Variants in PCDHGA4 observed in about 807,000 individuals in gnomAD.
The protein encoded by PCDHGA4 is protocadherin gamma-A4.
PCDHGA4 carries 38 observed loss-of-function variants against 54.6 expected under a neutral mutation model. That is an observed-to-expected ratio of 0.70 (90% confidence interval 0.54 to 0.91). The LOEUF (loss-of-function observed/expected upper bound fraction) is 0.91. Among genes scored for constraint, PCDHGA4 ranks in the 40% least tolerant of loss-of-function variants. PCDHGA4 has a pLI of 0.00. For missense variants in PCDHGA4, 1,298 were observed against 1,220.9 expected (o/e 1.06, Z -0.94); for synonymous variants, 511 against 512.9 (o/e 1.00, Z 0.05).
At position 141,477,891 on chromosome 5, in the gene PCDHGA4, G is replaced by A. The variant is rs750359063; in HGVS notation, c.2515-16916G>A. 130 of 1,614,066 alleles carry A rather than the reference G, an allele frequency of 8.1e-5. 1 individual carries two copies. The highest frequency in any genetic ancestry group is 1.1e-4 in the Non-Finnish European group (125 of 1,180,050). On this transcript the variant is annotated intron_variant, in intron 1 of 3. Coordinates refer to ENST00000571252, the MANE Select transcript of PCDHGA4 (RefSeq NM_018917.4). The surrounding 1 kb of genome is among the most constrained non-coding windows in gnomAD (Gnocchi z 4.9). The stretch of plus-strand genomic sequence containing the variant: ...ACCTCAGCTGGCCACCTAGTGTCAC[G>A]GGTGGTAGGCTGGGACGCGGATGCA...
In PCDHGA4 at chr5:141,432,733, C is replaced by T; in HGVS notation, c.2515-62074C>T. 1 of 1,614,094 alleles carries T rather than the reference C, an allele frequency of 6.2e-7. No individual in the cohort carries two copies. Among genetic ancestry groups the T allele is most frequent in the Middle Eastern group, 1.6e-4 (1 of 6,062 alleles). ...GCCAGCCCCCTCTCTCCGCCACTGTCACGCTCACCGTGGCCGTGGCCGACA... is the reference window on the plus strand; with the variant it reads ...GCCAGCCCCCTCTCTCCGCCACTGTTACGCTCACCGTGGCCGTGGCCGACA... On this transcript the variant is annotated intron_variant, in intron 1 of 3. Coordinates refer to ENST00000571252, the MANE Select transcript of PCDHGA4 (RefSeq NM_018917.4). The surrounding 1 kb of genome is among the most constrained non-coding windows in gnomAD (Gnocchi z 6.0).
intron 1 of PCDHGA4, chr5:141,399,813 G>A (rs985564503): frequency 6.2e-7 from 1 of 1,613,198 alleles, no homozygotes; most frequent in Non-Finnish European, 8.5e-7. Context: ...TGTACCCCGC[G>A]CTGGGTCCCG....
At chr5:141,421,257 C>T (rs944057868) in intron 1 of PCDHGA4, 1 of 1,608,520 alleles carries the variant, frequency 6.2e-7, no homozygotes, top group African/African-American at 1.3e-5. Context: ...GCGGGGACCG[C>T]AGTCGGCTGC....
Position 141,418,052 on chromosome 5 carries a change from G to A in PCDHGA4, c.2514+60431G>A, listed in dbSNP as rs202112422. 1.2e-3 allele frequency: 1,918 copies of A among 1,613,866 alleles called. 6 individuals are homozygous for A. Among genetic ancestry groups the A allele is most frequent in the East Asian group, 2.1e-3 (96 of 44,758 alleles). On this transcript the variant is annotated intron_variant, in intron 1 of 3. Coordinates refer to ENST00000571252, the MANE Select transcript of PCDHGA4 (RefSeq NM_018917.4). ...TAGTGTCCTGGATGTGTCGGCTCGC[G>A]AGCTGCGAGTGAGCGCGGAGAAGCT...
intron 1 of PCDHGA4, among the ~76,000 whole-genome samples, chr5:141,425,668 T>C (rs2096887740): frequency 1.3e-5 from 2 of 152,260 alleles, no homozygotes; most frequent in South Asian, 4.1e-4. Context: ...GCACATCAGA[T>C]TGAAAATAAT....
chr5:141,408,442 G>A lies in PCDHGA4; in HGVS notation c.2514+50821G>A, dbSNP rs774397781. On this transcript the variant is annotated intron_variant, in intron 1 of 3. Transcript: ENST00000571252. ...AGCTGCACTTCAGCGTAGACGCGGA[G>A]AGCGGGGACTTACTTGTGAAGAACC... is the stretch of plus-strand genomic sequence containing the variant. 8.7e-6 allele frequency: 14 copies of A among 1,614,080 alleles called. 1 individual carries two copies. The South Asian group carries it at 1.5e-4, about 18-fold the overall frequency.
intron 1 of PCDHGA4, chr5:141,371,812 A>G: frequency 6.2e-7 from 1 of 1,613,904 alleles, no homozygotes; most frequent in Non-Finnish European, 8.5e-7. Flanking sequence ...TCCATTGCGC[A>G]TGTCAGAGCC....
rs574059424 is a variant in PCDHGA4 at position 141,426,522 on chromosome 5, G to A, written c.2515-68285G>A. On this transcript the variant is annotated intron_variant, in intron 1 of 3. Transcript: ENST00000571252. ...AGAAACAATACTTTACCGTGAACAC[G>A]GAGAATGGGAACATACTTGTGAGTG... is the stretch of plus-strand genomic sequence containing the variant. The A allele has an allele frequency of 4.4e-5, 15 of 341,518 alleles. No individual in the cohort carries two copies. In the East Asian group the frequency reaches 6.0e-4, roughly 14 times the overall value. 21.2% of individuals were successfully genotyped at this position (341,518 alleles called of 1,614,324 possible).
At chr5:141,410,029 G>T (rs2095350230) in intron 1 of PCDHGA4, 15 of 1,613,274 alleles carry the variant, frequency 9.3e-6, no homozygotes, top group Non-Finnish European at 1.3e-5. Context: ...ACCACGTGCT[G>T]CAGGCCAGTG....
intron 1 of PCDHGA4, chr5:141,383,242 A>C: frequency 1.9e-6 from 3 of 1,613,970 alleles, no homozygotes; most frequent in Non-Finnish European, 2.5e-6. Flanking sequence ...AGATAAAATG[A>C]ATCTTTACCC....
At chr5:141,389,146 C>G (rs567517174) in intron 1 of PCDHGA4, 2 of 1,613,996 alleles carry the variant, frequency 1.2e-6, no homozygotes, top group Non-Finnish European at 1.7e-6. Context: ...ATAACCGTTA[C>G]GGCAACAGAT....
chr5:141,466,147 G>A (rs2099117729), intron 1 of PCDHGA4, among the ~76,000 whole-genome samples: 1 of 151,722 alleles, frequency 6.6e-6, no homozygotes, highest in South Asian at 2.1e-4. Flanking sequence ...TGAAAACTCT[G>A]GTCTTAAACT....
intron 1 of PCDHGA4, chr5:141,409,804 C>T (rs766279863): frequency 6.2e-7 from 1 of 1,611,772 alleles, no homozygotes; most frequent in South Asian, 1.1e-5. Context: ...CGCTGCAGGC[C>T]CGCGACCACG....
intron 1 of PCDHGA4, chr5:141,427,590 C>G (rs768990626): frequency 5.9e-6 from 4 of 678,892 alleles, no homozygotes; most frequent in Non-Finnish European, 1.1e-5. Flanking sequence ...CAGCACAAGC[C>G]TCACCCTACG....
chr5:141,375,347 G>A, intron 1 of PCDHGA4: 2 of 1,613,852 alleles, frequency 1.2e-6, no homozygotes, highest in South Asian at 2.2e-5. Flanking sequence ...CAACATCACT[G>A]TGACAGCCAC....
At chr5:141,403,188 C>G (rs763950254) in intron 1 of PCDHGA4, 6 of 1,613,968 alleles carry the variant, frequency 3.7e-6, no homozygotes, top group Non-Finnish European at 4.2e-6. Context: ...TCTCTGAACC[C>G]GCGCAGCGGC....
intron 1 of PCDHGA4, chr5:141,428,374 C>G: frequency 1.9e-6 from 1 of 530,640 alleles, no homozygotes; most frequent in South Asian, 1.9e-5. Context: ...CTTGCACCTG[C>G]GATGCTCTTC....
rs779454610 is a variant in PCDHGA4 at position 141,355,727 on chromosome 5, G to A, written c.620G>A (p.Gly207Asp). Residue 207 changes from glycine to aspartate, a missense_variant, in exon 1 of 4, where the codon GGT (glycine) becomes GAT (aspartate). Gly to Asp is a moderately conservative substitution (Grantham distance 94). Transcript: ENST00000571252. ...CAGGGTTACCAGCTCAACTCAAACG[G>A]TTACTTTTCCCTGGACGTGCAAAGT... ...SLQGYQLNSN[G>D]YFSLDVQSGA... The A allele has an allele frequency of 1.9e-6, 3 of 1,613,856 alleles. No homozygotes were observed. Among genetic ancestry groups the A allele is most frequent in the Non-Finnish European group, 2.5e-6 (3 of 1,179,886 alleles).
intron 1 of PCDHGA4, chr5:141,390,278 T>A (rs559321936): frequency 1.9e-6 from 3 of 1,614,028 alleles, no homozygotes; most frequent in Admixed American, 1.7e-5. Flanking sequence ...TGACTTCCCA[T>A]CAGGTGAGTT....
Sources: gnomAD v4.1 joint callset for allele counts (sites outside exome capture counted in the v4.1 genomes callset) on GRCh38, gnomAD v4.1.1 for gene constraint, Gnocchi (gnomAD v3.1) non-coding constraint, MANE v1.5 for transcripts, NCBI Gene and HGNC (gene_info 2026-07-23, HGNC 2026-07-21) for gene names.